The following LRGUK variants were observed in gnomAD, a reference collection of about 807,000 sequenced individuals.
The protein encoded by LRGUK is leucine rich repeats and guanylate kinase domain containing, also known as leucine-rich repeat and guanylate kinase domain-containing protein.
Under a neutral mutation model 76.0 loss-of-function variants are expected in LRGUK, and 65 were observed. The observed-to-expected ratio is 0.85, with a 90% CI of 0.70 to 1.05. The LOEUF is 1.05. LRGUK is among the 50% of genes least tolerant of loss of function. LRGUK has a pLI of 0.00. For synonymous variants in LRGUK, 268 were observed against 265.6 expected (o/e 1.01, Z -0.09); for missense variants, 758 against 732.8 (o/e 1.03, Z -0.40).
downstream of LRGUK, among the ~76,000 whole-genome samples, chr7:134,213,798 A>C (rs1314144571): frequency 1.9e-4 from 29 of 152,172 alleles, no homozygotes; most frequent in Non-Finnish European, 1.5e-5. Context: ...TAGTGCTATT[A>C]TTGATTCTCT....
chr7:134,128,097 G>A (rs1002713625), intron 1 of LRGUK, among the ~76,000 whole-genome samples: 2 of 130,478 alleles, frequency 1.5e-5, no homozygotes, highest in African/African-American at 6.0e-5. Context: ...AGTCCCGTCA[G>A]CCTCCCTCCA....
intron 11 of LRGUK, among the ~76,000 whole-genome samples, chr7:134,185,015 C>T (rs1462306569): frequency 6.6e-6 from 1 of 152,238 alleles, no homozygotes; most frequent in Admixed American, 6.5e-5. Flanking sequence ...TTGTCTCTGA[C>T]AGGTCTTCCT....
downstream of LRGUK, chr7:134,210,364 C>G: frequency 7.5e-6 from 3 of 398,024 alleles, no homozygotes; most frequent in Non-Finnish European, 1.3e-5. Flanking sequence ...TCACCTAAGA[C>G]CCCCAATTAC....
chr7:134,175,334 G>A (rs1799436707), intron 8 of LRGUK, among the ~76,000 whole-genome samples: 1 of 152,030 alleles, frequency 6.6e-6, no homozygotes, highest in Non-Finnish European at 1.5e-5. Context: ...GTAGCTCTTA[G>A]TAACTTTCTT....
intron 7 of LRGUK, among the ~76,000 whole-genome samples, chr7:134,165,190 G>C (rs1475909320): frequency 6.6e-6 from 1 of 152,160 alleles, no homozygotes; most frequent in African/African-American, 2.4e-5. Context: ...AGAGATATTT[G>C]TTGAGTACTT....
In LRGUK at chr7:134,148,234, C is replaced by G. The variant is rs1798060209; in HGVS notation, c.589-4C>G. The G allele has an allele frequency of 1.3e-6, 2 of 1,591,146 alleles. No homozygotes were observed. The highest frequency in any genetic ancestry group is 3.4e-5 in the Admixed American group (2 of 58,042). On this transcript the variant is annotated splice_polypyrimidine_tract_variant and splice_region_variant and intron_variant, in intron 4 of 15. Coordinates refer to ENST00000645682, the Ensembl canonical transcript of LRGUK. ...ATAACATCTTGTTCTCTTTCTCTTG[C>G]CAGAAGGCGGATTTTTCCCACAACC...
intron 16 of LRGUK, among the ~76,000 whole-genome samples, chr7:134,238,643 A>G (rs1802067195): frequency 6.6e-6 from 1 of 151,352 alleles, no homozygotes; most frequent in Non-Finnish European, 1.5e-5. Flanking sequence ...GTTTTGTGTC[A>G]TTTTCTTAAT....
chr7:134,254,074 C>G (rs1209164958), intron 18 of LRGUK, among the ~76,000 whole-genome samples: 1 of 151,994 alleles, frequency 6.6e-6, no homozygotes, highest in Non-Finnish European at 1.5e-5. Context: ...TGGGGAGGAG[C>G]TAATGAATAA....
At chr7:134,208,186 A>G (rs1289634314) in intron 15 of LRGUK, among the ~76,000 whole-genome samples, 1 of 151,990 alleles carries the variant, frequency 6.6e-6, no homozygotes, top group Non-Finnish European at 1.5e-5. Context: ...TTCATCACCC[A>G]TTTCCTCAGT....
chr7:134,198,047 G>A (rs1800582864), intron 13 of LRGUK, among the ~76,000 whole-genome samples: 1 of 151,626 alleles, frequency 6.6e-6, no homozygotes, highest in Admixed American at 6.6e-5. Flanking sequence ...CACACAGTAG[G>A]AGACTGCAAT....
At chr7:134,175,342 C>G (rs1308965959) in intron 8 of LRGUK, among the ~76,000 whole-genome samples, 1 of 152,106 alleles carries the variant, frequency 6.6e-6, no homozygotes, top group Non-Finnish European at 1.5e-5. Context: ...TAGTAACTTT[C>G]TTTTTGTTTG....
intron 16 of LRGUK, among the ~76,000 whole-genome samples, chr7:134,235,389 C>T (rs1718095360): frequency 6.6e-6 from 1 of 152,160 alleles, no homozygotes; most frequent in Non-Finnish European, 1.5e-5. Context: ...CCCCAGATAG[C>T]CACATGGCTG....
chr7:134,189,513 A>G (rs1381064498), intron 11 of LRGUK, among the ~76,000 whole-genome samples: 1 of 152,216 alleles, frequency 6.6e-6, no homozygotes, highest in Non-Finnish European at 1.5e-5. Context: ...AGGTTCTGTC[A>G]TCAGCATTCT....
At chr7:134,262,567 G>A (rs1300955314) in intron 19 of LRGUK, among the ~76,000 whole-genome samples, 2 of 152,168 alleles carry the variant, frequency 1.3e-5, no homozygotes, top group South Asian at 2.1e-4. Context: ...GGACTTGAAC[G>A]GATTGAAAAA....
At chr7:134,164,905 CA>C (rs1420321363) in intron 7 of LRGUK, among the ~76,000 whole-genome samples, 3 of 152,162 alleles carry the variant, frequency 2.0e-5, no homozygotes, top group Non-Finnish European at 4.4e-5. Flanking sequence ...GCAACTTCTC[CA>C]GTTAATTCTG....
Position 134,201,681 on chromosome 7 carries a change from C to T in LRGUK, c.1843+105C>T, listed in dbSNP as rs1800779559. The T allele has an allele frequency of 4.1e-6, 3 of 730,410 alleles. No individual in the cohort carries two copies. In the Admixed American group the frequency reaches 7.7e-5, roughly 19 times the overall value. 45.2% of individuals were successfully genotyped at this position (730,410 alleles called of 1,614,324 possible). A position where few individuals can be genotyped will look rare whatever the true frequency, so the allele number is the denominator to read the frequency against. ...CTCATCACTTGGGCTAAAGCTGGTT[C>T]TCTTTTATTCCTGTACTTCTTCTGG... On this transcript the variant is annotated intron_variant, in intron 15 of 15. Transcript: ENST00000645682.
At chr7:134,138,043 T>A (rs1471962045) in intron 2 of LRGUK, among the ~76,000 whole-genome samples, 1 of 152,202 alleles carries the variant, frequency 6.6e-6, no homozygotes, top group East Asian at 1.9e-4. Flanking sequence ...CAGTAATCTT[T>A]TTCTATTTTC....
intron 12 of LRGUK, among the ~76,000 whole-genome samples, chr7:134,195,469 C>A (rs561843218): frequency 2.6e-4 from 39 of 152,290 alleles, no homozygotes; most frequent in South Asian, 6.2e-4. Flanking sequence ...TAGGTTAGAT[C>A]TCTTTCATTG....
exon 16 of LRGUK, chr7:134,209,738 C>G: frequency 2.5e-6 from 1 of 400,050 alleles, no homozygotes; most frequent in Non-Finnish European, 4.4e-6. Context: ...GCACTCAAAA[C>G]CACCACCAAA....
Sources: gnomAD v4.1 joint callset for allele counts (sites outside exome capture counted in the v4.1 genomes callset) on GRCh38, gnomAD v4.1.1 for gene constraint, MANE v1.5 for transcripts, NCBI Gene and HGNC (gene_info 2026-07-23, HGNC 2026-07-21) for gene names.